Variants in CENPQ observed in about 807,000 individuals in gnomAD.
The protein encoded by CENPQ is chromosome 6 open reading frame 139.
In CENPQ, 27 loss-of-function variants were observed where a neutral mutation model predicts 36.6. The observed-to-expected ratio is 0.74, with a 90% CI of 0.54 to 1.02. The LOEUF (loss-of-function observed/expected upper bound fraction) is 1.02, where lower values mean the gene tolerates loss of function less well. Among genes scored for constraint, CENPQ ranks in the 50% least tolerant of loss-of-function variants. CENPQ has a pLI of 0.00. For missense variants in CENPQ, 306 were observed against 301.8 expected (o/e 1.01, Z -0.10); for synonymous variants, 101 against 101.7 (o/e 0.99, Z 0.04).
rs1554162199 is a variant in CENPQ at position 49,471,034 on chromosome 6, T to C, written c.157+6T>C. On this transcript the variant is annotated splice_donor_region_variant and intron_variant, in intron 3 of 8. Transcript: ENST00000335783. ...GAAAGATCTGTCTTCTGAAGGTATT[T>C]CTTTTCTATTACCTTGTTTAACCTG... is the stretch of plus-strand genomic sequence containing the variant. The C allele has an allele frequency of 6.7e-6, 10 of 1,486,928 alleles. No individual in the cohort carries two copies. In the South Asian group the frequency reaches 1.4e-4, roughly 20 times the overall value. 92.1% of individuals were successfully genotyped at this position (1,486,928 alleles called of 1,614,324 possible). A position where few individuals can be genotyped will look rare whatever the true frequency, so the allele number is the denominator to read the frequency against.
chr6:49,463,803 T>C lies in CENPQ; in HGVS notation c.-19+350T>C, dbSNP rs898957535. On this transcript the variant is annotated intron_variant, in intron 1 of 8. Transcript: ENST00000335783. ...AGTCCTACTCACTCTTGTGCCCACA[T>C]AGAGGTCTAAATTGAGGTAATTGAG... is the stretch of plus-strand genomic sequence containing the variant. Among the ~76,000 whole-genome samples, 4 of 152,170 alleles carry C rather than the reference T, an allele frequency of 2.6e-5. No individual in the cohort carries two copies. The East Asian group carries it at 7.7e-4, about 29-fold the overall frequency.
chr6:49,478,161 C>T (rs1768348222), intron 5 of CENPQ, among the ~76,000 whole-genome samples: 1 of 152,160 alleles, frequency 6.6e-6, no homozygotes, highest in Non-Finnish European at 1.5e-5. Context: ...CAACAAAGTA[C>T]AACATTAGCA....
intron 8 of CENPQ, among the ~76,000 whole-genome samples, chr6:49,491,164 A>G (rs1768714345): frequency 6.6e-6 from 1 of 152,232 alleles, no homozygotes; most frequent in Admixed American, 6.5e-5. Flanking sequence ...TACATATATG[A>G]AAACATTATG....
At chr6:49,491,184 G>C (rs572672996) in intron 8 of CENPQ, among the ~76,000 whole-genome samples, 3 of 152,080 alleles carry the variant, frequency 2.0e-5, no homozygotes, top group Admixed American at 2.0e-4. Context: ...GTCCTATTTC[G>C]TTCTTTAAAC....
In CENPQ at chr6:49,470,996, A is replaced by G; in HGVS notation, c.125A>G (p.Asn42Ser). ...TAGGTTAGAAACACAGTGAAAAAAA[A>G]TAAAAATCATCTGAAAGATCTGTCT... ...ENKVRNTVKKNKNHLKDLSSE... is the reference protein window; with the variant it reads ...ENKVRNTVKKSKNHLKDLSSE... Residue 42 changes from asparagine to serine, a missense_variant, in exon 3 of 9, where the codon AAT becomes AGT. Coordinates refer to ENST00000335783, the MANE Select transcript of CENPQ (RefSeq NM_018132.4). The G allele has an allele frequency of 6.5e-7, 1 of 1,533,706 alleles. No homozygotes were observed. The highest frequency in any genetic ancestry group is 8.8e-7 in the Non-Finnish European group (1 of 1,134,886).
chr6:49,471,697 G>A (rs990542981), intron 3 of CENPQ, among the ~76,000 whole-genome samples: 1 of 152,026 alleles, frequency 6.6e-6, no homozygotes, highest in Admixed American at 6.6e-5. Flanking sequence ...TGATTAGTCT[G>A]TTTTGTTCCA....
chr6:49,487,170 T>A (rs10528439), intron 6 of CENPQ, among the ~76,000 whole-genome samples: 2,742 of 4,192 alleles, frequency 0.65, 957 homozygotes, highest in African/African-American at 0.67. Context: ...AAAAAAAAAA[T>A]AAAAAAAATA....
intron 1 of CENPQ, among the ~76,000 whole-genome samples, chr6:49,469,316 ATATGTT>A (rs1470592482): frequency 6.6e-6 from 1 of 152,216 alleles, no homozygotes; most frequent in Non-Finnish European, 1.5e-5. Context: ...TAATATGTGT[ATATGTT>A]TATATGTGTA....
intron 1 of CENPQ, among the ~76,000 whole-genome samples, chr6:49,466,498 C>G (rs1324641042): frequency 6.6e-6 from 1 of 152,162 alleles, no homozygotes; most frequent in Non-Finnish European, 1.5e-5. Flanking sequence ...ATAGCACAAA[C>G]CAGTTTAAGA....
chr6:49,480,771 A>G (rs1468351336), intron 5 of CENPQ, among the ~76,000 whole-genome samples, 180 bp from the exon 6 acceptor site: 2 of 152,176 alleles, frequency 1.3e-5, no homozygotes, highest in Non-Finnish European at 2.9e-5. Flanking sequence ...ATAAATTGAA[A>G]GGCTAAATGA....
rs184756742 is a variant in CENPQ, at chr6:49,472,323, C to T, written c.278+140C>T. The T allele has an allele frequency of 1.5e-4, 101 of 653,554 alleles. 1 individual carries two copies. Among genetic ancestry groups the T allele is most frequent in the East Asian group, 8.5e-4 (25 of 29,324 alleles). 40.5% of individuals were successfully genotyped at this position (653,554 alleles called of 1,614,324 possible). A position where few individuals can be genotyped will look rare whatever the true frequency, so the allele number is the denominator to read the frequency against. On this transcript the variant is annotated intron_variant, in intron 4 of 8. Coordinates refer to ENST00000335783, the MANE Select transcript of CENPQ (RefSeq NM_018132.4). ...TCGGAAGCAGATAAAATTAATGTGA[C>T]GGTATTTGCCTTCAGCAGAAAAGTC...
intron 5 of CENPQ, among the ~76,000 whole-genome samples, chr6:49,475,258 G>T (rs1490455710): frequency 6.6e-6 from 1 of 152,080 alleles, no homozygotes. Flanking sequence ...TCATCCCTGG[G>T]ATGCAAGTCT....
chr6:49,487,155 AAAAAAAAAAAAAAAT>A (rs1768603821), intron 6 of CENPQ, among the ~76,000 whole-genome samples: 3 of 194 alleles, frequency 0.015, 1 homozygote, highest in African/African-American at 0.016. Flanking sequence ...CTCCATCTCA[AAAAAAAAAAAAAAAT>A]AAAAAAAATA....
At chr6:49,477,799 T>G (rs1256105467) in intron 5 of CENPQ, among the ~76,000 whole-genome samples, 1 of 152,116 alleles carries the variant, frequency 6.6e-6, no homozygotes, top group Non-Finnish European at 1.5e-5. Context: ...GGCTTGTAAA[T>G]TGCTTAAAGG....
rs796536312 is a variant in CENPQ at position 49,470,373 on chromosome 6, G to T, written c.102+95G>T. 2.3e-5 allele frequency: 15 copies of T among 663,576 alleles called. No homozygotes were observed. The African/African-American group carries it at 2.8e-4, about 13-fold the overall frequency. 41.1% of individuals were successfully genotyped at this position (663,576 alleles called of 1,614,324 possible). ...AATCCCAGCACTTTGGGAGGCCGAG[G>T]TGGGTGGATCACGAGGTCAGGAGAT... On this transcript the variant is annotated intron_variant, in intron 2 of 8. Coordinates refer to ENST00000335783, the MANE Select transcript of CENPQ (RefSeq NM_018132.4).
chr6:49,475,408 T>A (rs1208490606), intron 5 of CENPQ, among the ~76,000 whole-genome samples: 8 of 152,286 alleles, frequency 5.3e-5, no homozygotes, highest in African/African-American at 1.7e-4. Context: ...AAATTAGGTA[T>A]TGAGGGGATG....
chr6:49,466,657 C>CT (rs1195523134), intron 1 of CENPQ, among the ~76,000 whole-genome samples: 3 of 152,272 alleles, frequency 2.0e-5, no homozygotes, highest in Admixed American at 1.3e-4. Flanking sequence ...TTTATATGCA[C>CT]TGTGAGTAGC....
intron 8 of CENPQ, among the ~76,000 whole-genome samples, chr6:49,489,929 TC>T (rs1380427555): frequency 2.0e-5 from 3 of 152,198 alleles, no homozygotes; most frequent in Non-Finnish European, 4.4e-5. Flanking sequence ...GCTTTGTTGT[TC>T]CATTTACAGA....
At chr6:49,488,240 G>T in intron 6 of CENPQ, 112 bp from the exon 7 acceptor site, 1 of 789,624 alleles carries the variant, frequency 1.3e-6, no homozygotes, top group South Asian at 2.4e-5. Context: ...TTCTAAAAAT[G>T]TTTTAAATAT....
Sources: allele counts gnomAD v4.1 joint callset (sites outside exome capture counted in the v4.1 genomes callset), GRCh38; gene constraint gnomAD v4.1.1; transcripts MANE v1.5; gene names NCBI Gene and HGNC (gene_info 2026-07-23, HGNC 2026-07-21).